CNOT2: variants seen among roughly 807,000 people sequenced by gnomAD.
CNOT2 encodes the protein CC chemokine receptor 4-negative regulator of transcription 2.
A neutral mutation model predicts 72.1 loss-of-function variants in CNOT2; 7 were observed. The ratio of observed to expected loss-of-function variants is 0.10; its 90% CI spans 0.06 to 0.18. The LOEUF (loss-of-function observed/expected upper bound fraction) is 0.18. Ranked by LOEUF, CNOT2 falls within the 10% of genes least tolerant of loss-of-function variation. CNOT2 has a pLI of 1.00. For missense variants in CNOT2, 345 were observed against 660.3 expected, an observed-to-expected ratio of 0.52 and a Z score of 5.23; for synonymous variants, 196 against 225.6, an observed-to-expected ratio of 0.87 and a Z score of 1.17.
At chr12:70,309,364 T>C (rs983701886) in intron 2 of CNOT2, among the ~76,000 whole-genome samples, 6 of 152,220 alleles carry the variant, frequency 3.9e-5, no homozygotes, top group African/African-American at 1.4e-4. Context: ...TATTTATACC[T>C]GACTGAATAG....
At chr12:70,267,787 G>A (rs1164146552) in intron 1 of CNOT2, among the ~76,000 whole-genome samples, 1 of 152,196 alleles carries the variant, frequency 6.6e-6, no homozygotes, top group Non-Finnish European at 1.5e-5. Flanking sequence ...TCTATCACAG[G>A]GATTGCAAAC....
At chr12:70,259,000 G>C (rs1388986659) in intron 1 of CNOT2, among the ~76,000 whole-genome samples, 1 of 152,180 alleles carries the variant, frequency 6.6e-6, no homozygotes, top group Non-Finnish European at 1.5e-5. Flanking sequence ...GCTACCATAA[G>C]GACATTTTTA....
At chr12:70,349,392 C>G (rs893634132) in intron 15 of CNOT2, among the ~76,000 whole-genome samples, 37 of 152,230 alleles carry the variant, frequency 2.4e-4, no homozygotes, top group African/African-American at 8.4e-4. Flanking sequence ...AACCTCAATT[C>G]ACTGTAAGAA....
intron 3 of CNOT2, among the ~76,000 whole-genome samples, chr12:70,317,643 A>G (rs1318420028): frequency 1.4e-5 from 2 of 139,926 alleles, no homozygotes; most frequent in African/African-American, 2.7e-5. Flanking sequence ...TTTTAGAAAA[A>G]TCACTACTGT....
At chr12:70,314,868 T>TG (rs994751857) in intron 3 of CNOT2, among the ~76,000 whole-genome samples, 1 of 149,494 alleles carries the variant, frequency 6.7e-6, no homozygotes, top group Non-Finnish European at 1.5e-5. Context: ...TTGTTTGTTT[T>TG]GGGGGATATT....
chr12:70,341,855 T>C, intron 11 of CNOT2: 1 of 437,142 alleles, frequency 2.3e-6, no homozygotes. Flanking sequence ...AATCATGTTT[T>C]GTATATTGTG....
intron 13 of CNOT2, among the ~76,000 whole-genome samples, chr12:70,342,880 G>T (rs537732962): frequency 6.6e-6 from 1 of 152,096 alleles, no homozygotes; most frequent in African/African-American, 2.4e-5. Flanking sequence ...TTTTAGCCTT[G>T]GGAAACTACA....
chr12:70,253,140 G>A (rs1305377394), intron 1 of CNOT2, among the ~76,000 whole-genome samples: 2 of 152,134 alleles, frequency 1.3e-5, no homozygotes, highest in African/African-American at 2.4e-5. Flanking sequence ...CAAAGCACAG[G>A]GCACATAATA....
intron 2 of CNOT2, among the ~76,000 whole-genome samples, chr12:70,310,026 C>G (rs1423304856): frequency 6.6e-6 from 1 of 151,812 alleles, no homozygotes; most frequent in Admixed American, 6.6e-5. Context: ...ATTCCCTGAG[C>G]AATACAGTGA....
In CNOT2 at chr12:70,314,435, G is replaced by A. The variant is rs527845089; in HGVS notation, c.171+3418G>A. On this transcript the variant is annotated intron_variant, in intron 3 of 15. Transcript: ENST00000229195. ...GAGAATAGTTAGTGTTTGTGAGGGG[G>A]GCACTGAAGTGACTGCTGTAATTAA... Among the ~76,000 whole-genome samples the A allele has an allele frequency of 2.6e-5, 4 of 152,104 alleles. No homozygotes were observed. In the East Asian group the frequency reaches 5.8e-4, roughly 22 times the overall value.
At chr12:70,305,671 AAGATTTGTGTTGGGTTCTAAGAT>A (rs1875163310) in intron 2 of CNOT2, among the ~76,000 whole-genome samples, 1 of 152,162 alleles carries the variant, frequency 6.6e-6, no homozygotes, top group African/African-American at 2.4e-5. Context: ...GCTGAAACAT[AAGATTTGTGTTGGGTTCTAAGAT>A]AGTTAGTGCT....
intron 1 of CNOT2, among the ~76,000 whole-genome samples, chr12:70,256,582 T>TAAA (rs372870920): frequency 0.086 from 9,356 of 108,184 alleles, 457 homozygotes; most frequent in Admixed American, 0.16. Context: ...GACCTGTGGG[T>TAAA]AAAAAAAAAA....
At chr12:70,304,098 A>C (rs1874712695) in intron 2 of CNOT2, among the ~76,000 whole-genome samples, 1 of 151,558 alleles carries the variant, frequency 6.6e-6, no homozygotes, top group Non-Finnish European at 1.5e-5. Context: ...CTAGTTATCC[A>C]TTCGTCTAAT....
chr12:70,331,833 T>C (rs1215256958), intron 6 of CNOT2: 3 of 151,870 alleles, frequency 2.0e-5, no homozygotes, highest in African/African-American at 7.2e-5. Flanking sequence ...TTAACCCCGC[T>C]TACAGCATTG....
intron 2 of CNOT2, among the ~76,000 whole-genome samples, chr12:70,286,104 G>A (rs532714154): frequency 2.0e-5 from 3 of 149,910 alleles, no homozygotes; most frequent in Admixed American, 6.9e-5. Flanking sequence ...GTAAATAAGC[G>A]ATCATATTTT....
chr12:70,352,033 A>AT (rs1043780189), intron 15 of CNOT2, among the ~76,000 whole-genome samples: 40 of 150,382 alleles, frequency 2.7e-4, no homozygotes, highest in African/African-American at 4.9e-4. Flanking sequence ...CAGGGGACTG[A>AT]TTTTTTTTTT....
chr12:70,349,882 C>T (rs1313338605), intron 15 of CNOT2, among the ~76,000 whole-genome samples: 1 of 151,944 alleles, frequency 6.6e-6, no homozygotes, highest in East Asian at 1.9e-4. Context: ...GTGGTATGCT[C>T]CTGCAGTCCT....
chr12:70,331,666 A>G (rs1879965541), intron 6 of CNOT2: 1 of 151,874 alleles, frequency 6.6e-6, no homozygotes, highest in Non-Finnish European at 1.5e-5. Flanking sequence ...AGCATCAGCA[A>G]TTCTAATATG....
chr12:70,263,322 A>T (rs1026345261), intron 1 of CNOT2, among the ~76,000 whole-genome samples: 4 of 151,956 alleles, frequency 2.6e-5, no homozygotes, highest in African/African-American at 9.7e-5. Context: ...TCTTACTCCC[A>T]TTACACATAT....
Sources: gnomAD v4.1 joint callset for allele counts (sites outside exome capture counted in the v4.1 genomes callset) on GRCh38, gnomAD v4.1.1 for gene constraint, MANE v1.5 for transcripts, NCBI Gene and HGNC (gene_info 2026-07-23, HGNC 2026-07-21) for gene names.